Variants in DAPK1 observed in about 807,000 individuals in gnomAD.
The protein encoded by DAPK1 is death-associated protein kinase 1.
DAPK1 carries 56 observed loss-of-function variants against 144.9 expected under a neutral mutation model. The observed-to-expected ratio is 0.39, with a 90% CI of 0.31 to 0.48. DAPK1 has a LOEUF of 0.48. Among genes scored for constraint, DAPK1 ranks in the 20% least tolerant of loss-of-function variants. The pLI is 0.95. For synonymous variants in DAPK1, 690 were observed against 749.0 expected (o/e 0.92, Z 1.29); for missense variants, 1,454 against 1,875.4 (o/e 0.78, Z 4.15).
chr9:87,698,927 A>C, intron 23 of DAPK1, 133 bp downstream of exon 23: 1 of 598,028 alleles, frequency 1.7e-6, no homozygotes, highest in Non-Finnish European at 3.0e-6. Flanking sequence ...TTCTTGGTCA[A>C]CTCTTTTCTT....
chr9:87,705,707 A>G (rs1032048069), intron 25 of DAPK1, among the ~76,000 whole-genome samples: 3 of 152,240 alleles, frequency 2.0e-5, no homozygotes, highest in African/African-American at 7.2e-5. Context: ...TTCCAGAAAC[A>G]TAACATTAAT....
At chr9:87,681,818 A>G in intron 20 of DAPK1, 192 bp downstream of exon 20, 2 of 609,862 alleles carry the variant, frequency 3.3e-6, no homozygotes, top group Non-Finnish European at 5.9e-6. Flanking sequence ...GCAGTAACAG[A>G]CTGACTTGGC....
chr9:87,658,309 C>T (rs901528225), intron 18 of DAPK1, among the ~76,000 whole-genome samples, 182 bp downstream of exon 18: 34 of 152,232 alleles, frequency 2.2e-4, no homozygotes, highest in African/African-American at 7.5e-4. Flanking sequence ...CCTAATGTCT[C>T]CTTAATGTTC....
intron 2 of DAPK1, among the ~76,000 whole-genome samples, chr9:87,502,900 G>C (rs1000300409): frequency 6.6e-6 from 1 of 152,142 alleles, no homozygotes; most frequent in East Asian, 1.9e-4. Context: ...TAGACTTCCT[G>C]CAAATTGGTA....
rs1830323249 is a variant in DAPK1 at position 87,647,829 on chromosome 9, AC to A, written c.1329+427del. On this transcript the variant is annotated intron_variant, in intron 14 of 25. Transcript: ENST00000408954. The stretch of plus-strand genomic sequence containing the variant: ...CTAGAAGATATTAATGAGACAATGC[AC>A]ATAAAGTAATAAAGTAAGGCTTTTT... Among the ~76,000 whole-genome samples, 13 of 152,372 alleles carry A rather than the reference AC, an allele frequency of 8.5e-5. No individual in the cohort carries two copies. The South Asian group carries it at 2.7e-3, about 32-fold the overall frequency.
At chr9:87,612,008 G>T (rs1281067143) in intron 3 of DAPK1, among the ~76,000 whole-genome samples, 1 of 152,188 alleles carries the variant, frequency 6.6e-6, no homozygotes, top group African/African-American at 2.4e-5. Flanking sequence ...AGTACATTTT[G>T]CTGCATGTGA....
At chr9:87,499,243 C>T (rs761439166) in intron 2 of DAPK1, 104 bp downstream of exon 2, 2 of 1,040,550 alleles carry the variant, frequency 1.9e-6, no homozygotes, top group Admixed American at 2.0e-5. Flanking sequence ...GTCTCCCTCG[C>T]CCTTTCTGGA....
At chr9:87,523,936 A>G (rs572396216) in intron 2 of DAPK1, among the ~76,000 whole-genome samples, 5 of 152,232 alleles carry the variant, frequency 3.3e-5, no homozygotes, top group Non-Finnish European at 7.3e-5. Flanking sequence ...ACTCTAGGAA[A>G]ATACAAGCCT....
At chr9:87,625,420 T>C (rs929174385) in intron 3 of DAPK1, among the ~76,000 whole-genome samples, 2 of 152,204 alleles carry the variant, frequency 1.3e-5, no homozygotes, top group Non-Finnish European at 2.9e-5. Context: ...TGCTACCACA[T>C]GGCCAGTCTC....
intron 5 of DAPK1, 47 bp from the exon 6 acceptor site, chr9:87,639,603 G>C (rs372619502): frequency 4.3e-6 from 7 of 1,612,628 alleles, no homozygotes; most frequent in Non-Finnish European, 5.9e-6. Context: ...GATAGAATCG[G>C]TTAGTTTGCT....
intron 11 of DAPK1, among the ~76,000 whole-genome samples, chr9:87,645,203 G>T (rs1246812278): frequency 2.0e-5 from 3 of 152,146 alleles, no homozygotes; most frequent in African/African-American, 7.2e-5. Flanking sequence ...TGTGAATTTT[G>T]AAAGAGTGGC....
At chr9:87,646,627 T>TA in intron 13 of DAPK1, 68 bp downstream of exon 13, 1 of 1,292,536 alleles carries the variant, frequency 7.7e-7, no homozygotes. Context: ...ATCATAGGGG[T>TA]AACAGAGGAA....
intron 2 of DAPK1, among the ~76,000 whole-genome samples, chr9:87,575,003 AG>A (rs1827488719): frequency 6.6e-6 from 1 of 152,092 alleles, no homozygotes; most frequent in African/African-American, 2.4e-5. Context: ...GGATCACCTG[AG>A]GTCAGGAGTT....
intron 3 of DAPK1, chr9:87,632,324 T>C: frequency 1.0e-6 from 1 of 982,922 alleles, no homozygotes; most frequent in Non-Finnish European, 1.2e-6. Context: ...TGAGTATACA[T>C]GTAGGGACAA....
chr9:87,654,894 C>T (rs1032218073), intron 17 of DAPK1, among the ~76,000 whole-genome samples: 1 of 152,162 alleles, frequency 6.6e-6, no homozygotes, highest in African/African-American at 2.4e-5. Flanking sequence ...CCTAAATGTA[C>T]AACTTCACTT....
intron 2 of DAPK1, among the ~76,000 whole-genome samples, chr9:87,584,229 A>C (rs527830123): frequency 6.6e-6 from 1 of 152,324 alleles, no homozygotes. Flanking sequence ...ATTTTTCAAG[A>C]ATACATTACA....
At chr9:87,679,681 T>G (rs933716200) in intron 19 of DAPK1, among the ~76,000 whole-genome samples, 1 of 152,214 alleles carries the variant, frequency 6.6e-6, no homozygotes, top group Non-Finnish European at 1.5e-5. Flanking sequence ...AGCATGGGGT[T>G]GGAGGGCCTC....
intron 1 of DAPK1, 138 bp from the exon 2 acceptor site, chr9:87,498,832 T>G (rs1587659040): frequency 2.0e-6 from 1 of 500,922 alleles, no homozygotes; most frequent in Non-Finnish European, 3.6e-6. Flanking sequence ...TAACAAAGGG[T>G]GCTCCTCTCC....
At chr9:87,554,860 G>T (rs1826645262) in intron 2 of DAPK1, among the ~76,000 whole-genome samples, 1 of 152,176 alleles carries the variant, frequency 6.6e-6, no homozygotes. Flanking sequence ...CTTGGCTTCA[G>T]CCAGTTCTCC....
Sources: allele counts gnomAD v4.1 joint callset (sites outside exome capture counted in the v4.1 genomes callset), GRCh38; gene constraint gnomAD v4.1.1; transcripts MANE v1.5; gene names NCBI Gene and HGNC (gene_info 2026-07-23, HGNC 2026-07-21).